UNC13C: variants seen among roughly 807,000 people sequenced by gnomAD.
UNC13C encodes the protein protein unc-13 homolog C.
A neutral mutation model predicts 245.4 loss-of-function variants in UNC13C; 174 were observed. That is an observed-to-expected ratio of 0.71 (90% CI 0.63 to 0.80). UNC13C has a LOEUF of 0.80. Among genes scored for constraint, UNC13C ranks in the 30% least tolerant of loss-of-function variants. The pLI is 0.00. For synonymous variants in UNC13C, 992 were observed against 895.1 expected, an observed-to-expected ratio of 1.11 and a Z score of -1.93; for missense variants, 2,829 against 2,602.9, an observed-to-expected ratio of 1.09 and a Z score of -1.89.
intron 2 of UNC13C, among the ~76,000 whole-genome samples, chr15:54,134,540 G>A (rs2031628652): frequency 6.6e-6 from 1 of 152,004 alleles, no homozygotes; most frequent in African/African-American, 2.4e-5. Flanking sequence ...GGGTCTCGGA[G>A]TCTCGCTGTC....
chr15:53,853,324 G>A, the UNC13C span, among the ~76,000 whole-genome samples: 1 of 152,096 alleles, frequency 6.6e-6, no homozygotes, highest in Admixed American at 6.6e-5. Context: ...CAGATCAAAA[G>A]ACATGATCTT....
chr15:54,237,731 G>T, intron 7 of UNC13C, 41 bp downstream of exon 7: 1 of 1,428,776 alleles, frequency 7.0e-7, no homozygotes, highest in Non-Finnish European at 9.8e-7. Context: ...ACTAGATATT[G>T]CTCATAATCA....
At chr15:53,976,457 TTCTC>T (rs148861102), upstream of UNC13C, among the ~76,000 whole-genome samples, 12 of 101,018 alleles carry the variant, frequency 1.2e-4, no homozygotes, top group East Asian at 3.9e-4. Flanking sequence ...TTTTTCTTCT[TTCTC>T]TCTCTCTCTC....
chr15:54,362,855 G>A (rs2039267362), intron 17 of UNC13C, among the ~76,000 whole-genome samples: 1 of 152,082 alleles, frequency 6.6e-6, no homozygotes, highest in Non-Finnish European at 1.5e-5. Context: ...AATCCATTGG[G>A]GATAGACAGA....
chr15:54,412,629 A>T (rs1293892641), intron 18 of UNC13C, among the ~76,000 whole-genome samples: 1 of 152,226 alleles, frequency 6.6e-6, no homozygotes, highest in Non-Finnish European at 1.5e-5. Flanking sequence ...ACATGATTTT[A>T]TATTCTGTGA....
At chr15:54,476,152 GTTGT>G (rs1892727297) in intron 19 of UNC13C, among the ~76,000 whole-genome samples, 1 of 117,364 alleles carries the variant, frequency 8.5e-6, no homozygotes, top group Non-Finnish European at 1.8e-5. Context: ...TTTTGATGGG[GTTGT>G]TTGTTTTTTT....
chr15:54,002,243 A>G (rs1465220135), intron 1 of UNC13C, among the ~76,000 whole-genome samples: 1 of 152,136 alleles, frequency 6.6e-6, no homozygotes, highest in Non-Finnish European at 1.5e-5. Context: ...CCAAGATTGC[A>G]CCACTGCACT....
chr15:54,253,147 C>T (rs776681308), intron 8 of UNC13C, among the ~76,000 whole-genome samples: 4 of 152,148 alleles, frequency 2.6e-5, no homozygotes, highest in Non-Finnish European at 1.5e-5. Flanking sequence ...TGACCAATGG[C>T]CCATGCAAAA....
downstream of UNC13C, chr15:54,629,388 T>C (rs1238523552): frequency 6.6e-6 from 1 of 152,046 alleles, no homozygotes; most frequent in Non-Finnish European, 1.5e-5. Context: ...TGACACACAA[T>C]TTACCTACGT....
chr15:54,046,774 C>T (rs1387346084), intron 2 of UNC13C, among the ~76,000 whole-genome samples: 1 of 151,652 alleles, frequency 6.6e-6, no homozygotes, highest in African/African-American at 2.4e-5. Flanking sequence ...CTTATAAGTA[C>T]ACTGCTCAAT....
intron 19 of UNC13C, among the ~76,000 whole-genome samples, chr15:54,492,372 A>G (rs1893754022): frequency 6.6e-6 from 1 of 152,170 alleles, no homozygotes; most frequent in Non-Finnish European, 1.5e-5. Flanking sequence ...AATCATTTGA[A>G]TACAGCTAAA....
At chr15:53,941,760 A>C in the UNC13C span, among the ~76,000 whole-genome samples, 1 of 152,216 alleles carries the variant, frequency 6.6e-6, no homozygotes, top group Non-Finnish European at 1.5e-5. Context: ...ATATGAACAG[A>C]CATCTCCCAA....
chr15:54,463,714 C>T (rs1270599248), intron 19 of UNC13C, among the ~76,000 whole-genome samples: 2 of 152,208 alleles, frequency 1.3e-5, no homozygotes, highest in South Asian at 2.1e-4. Context: ...TGGGAGGGTC[C>T]GCAGCTTCAT....
chr15:54,621,728 T>C lies in UNC13C; in HGVS notation c.6107-599T>C, dbSNP rs576163657. Reference sequence around the variant, plus strand: ...AGAATCAGTGGTGACATACTGTGATTTGAATTCATGTTTATCTGAACCGAA... The same window carrying C: ...AGAATCAGTGGTGACATACTGTGATCTGAATTCATGTTTATCTGAACCGAA... On this transcript the variant is annotated intron_variant, in intron 30 of 32. Transcript: ENST00000260323. Among the ~76,000 whole-genome samples, 8 of 152,330 alleles carry C rather than the reference T, an allele frequency of 5.3e-5. No individual in the cohort carries two copies. In the South Asian group the frequency reaches 1.7e-3, roughly 32 times the overall value.
At chr15:54,132,185 C>T (rs1358230580) in intron 2 of UNC13C, among the ~76,000 whole-genome samples, 1 of 151,710 alleles carries the variant, frequency 6.6e-6, no homozygotes, top group South Asian at 2.1e-4. Flanking sequence ...GTTCTCCTCC[C>T]TCAGCCTCCT....
At chr15:54,277,524 G>A (rs868638868) in intron 10 of UNC13C, among the ~76,000 whole-genome samples, 4 of 152,110 alleles carry the variant, frequency 2.6e-5, no homozygotes, top group African/African-American at 4.8e-5. Flanking sequence ...TGCCTAAGGC[G>A]CCCTCTGGCA....
intron 18 of UNC13C, among the ~76,000 whole-genome samples, chr15:54,405,095 T>C (rs1234736945): frequency 6.6e-6 from 1 of 152,186 alleles, no homozygotes; most frequent in African/African-American, 2.4e-5. Context: ...TATTGAGTAC[T>C]CACTATGTGC....
At chr15:54,238,677 T>C (rs2035771619) in intron 7 of UNC13C, among the ~76,000 whole-genome samples, 1 of 152,230 alleles carries the variant, frequency 6.6e-6, no homozygotes, top group African/African-American at 2.4e-5. Context: ...TCTTTTAAAC[T>C]CTGATATCCT....
At chr15:54,584,542 A>G (rs1898387097) in intron 30 of UNC13C, among the ~76,000 whole-genome samples, 1 of 152,368 alleles carries the variant, frequency 6.6e-6, no homozygotes, top group South Asian at 2.1e-4. Flanking sequence ...AAAGGCAGTG[A>G]AAGTCCTTAT....
Sources: gnomAD v4.1 joint callset for allele counts (sites outside exome capture counted in the v4.1 genomes callset) on GRCh38, gnomAD v4.1.1 for gene constraint, MANE v1.5 for transcripts, NCBI Gene and HGNC (gene_info 2026-07-23, HGNC 2026-07-21) for gene names.